Variants in CFAP299 observed in about 807,000 individuals in gnomAD.
CFAP299 encodes cilia and flagella associated protein 299, also known as cilia- and flagella-associated protein 299.
CFAP299 carries 21 observed loss-of-function variants against 27.0 expected under a neutral mutation model. The observed-to-expected ratio is 0.78, with a 90% CI of 0.55 to 1.12. The LOEUF (loss-of-function observed/expected upper bound fraction) is 1.12, where lower values mean the gene tolerates loss of function less well. Ranked by LOEUF, CFAP299 falls within the 50% of genes most tolerant of loss-of-function variation. The pLI, the probability that CFAP299 is intolerant of heterozygous loss-of-function variation, is 0.00. For missense variants in CFAP299, 310 were observed against 276.6 expected (o/e 1.12, Z -0.86); for synonymous variants, 104 against 98.1 (o/e 1.06, Z -0.36).
At chr4:80,882,431 G>A (rs889921112) in intron 4 of CFAP299, among the ~76,000 whole-genome samples, 4 of 152,192 alleles carry the variant, frequency 2.6e-5, no homozygotes, top group African/African-American at 4.8e-5. Context: ...GAGGTCAGGA[G>A]ATCGAGACCA....
At chr4:80,658,216 G>T (rs185074305) in intron 3 of CFAP299, among the ~76,000 whole-genome samples, 1 of 151,920 alleles carries the variant, frequency 6.6e-6, no homozygotes, top group Non-Finnish European at 1.5e-5. Context: ...ATTTGAATAC[G>T]CTTTATTTCT....
intron 2 of CFAP299, among the ~76,000 whole-genome samples, chr4:80,462,484 C>G (rs1236195957): frequency 6.6e-6 from 1 of 152,166 alleles, no homozygotes; most frequent in African/African-American, 2.4e-5. Flanking sequence ...AGGTCTTTCT[C>G]TGACAAATAC....
In CFAP299 at chr4:80,341,013, TG is replaced by T. The variant is rs547729856; in HGVS notation, c.111+5135del. Reference sequence around the variant, plus strand: ...CTGGTCTTGAACTCCTGACCTCAGGTGATCCACCCGCCTTGGCCTCCCAAAG... The same window carrying T: ...CTGGTCTTGAACTCCTGACCTCAGGTATCCACCCGCCTTGGCCTCCCAAAG... On this transcript the variant is annotated intron_variant, in intron 1 of 5. Transcript: ENST00000358105. Among the ~76,000 whole-genome samples, 405 of 152,258 alleles carry T rather than the reference TG, an allele frequency of 2.7e-3. 2 individuals are homozygous for T. Among genetic ancestry groups the T allele is most frequent in the African/African-American group, 9.6e-3 (398 of 41,550 alleles).
intron 3 of CFAP299, among the ~76,000 whole-genome samples, chr4:80,621,977 G>A (rs1440146059): frequency 6.6e-6 from 1 of 152,010 alleles, no homozygotes; most frequent in Non-Finnish European, 1.5e-5. Context: ...ATAGAGTGAT[G>A]CATTGTGTTG....
intron 2 of CFAP299, among the ~76,000 whole-genome samples, chr4:80,567,983 A>G (rs1735394918): frequency 1.3e-5 from 2 of 151,828 alleles, no homozygotes; most frequent in Non-Finnish European, 2.9e-5. Flanking sequence ...TTAAAAAATA[A>G]TTATTTTCAT....
chr4:80,336,318 A>C (rs1229045784), intron 1 of CFAP299, among the ~76,000 whole-genome samples: 3 of 151,942 alleles, frequency 2.0e-5, no homozygotes, highest in Admixed American at 2.0e-4. Flanking sequence ...CTTTACACCA[A>C]CCTAGTGTAT....
chr4:80,414,216 G>T (rs928337941), intron 2 of CFAP299, among the ~76,000 whole-genome samples: 7 of 149,874 alleles, frequency 4.7e-5, no homozygotes, highest in Admixed American at 4.0e-4. Flanking sequence ...GACTACAGGC[G>T]CCCGCCACTA....
At chr4:80,828,567 G>C (rs1427025597) in intron 3 of CFAP299, among the ~76,000 whole-genome samples, 1 of 151,900 alleles carries the variant, frequency 6.6e-6, no homozygotes, top group Admixed American at 6.6e-5. Flanking sequence ...ATGATAGTGA[G>C]TTCTCATGAC....
chr4:80,935,057 G>A lies in CFAP299; in HGVS notation c.477-9753G>A, dbSNP rs142332713. On this transcript the variant is annotated intron_variant, in intron 4 of 5. Transcript: ENST00000358105. ...CTTTTTCTGAATCTCGTAAGTTTTGGTATAGCATGTTTCCATTTTAATGTA... is the reference window on the plus strand; with the variant it reads ...CTTTTTCTGAATCTCGTAAGTTTTGATATAGCATGTTTCCATTTTAATGTA... Among the ~76,000 whole-genome samples, 237 of 151,720 alleles carry A rather than the reference G, an allele frequency of 1.6e-3. 3 individuals are homozygous for A. The highest frequency in any genetic ancestry group is 5.5e-3 in the African/African-American group (229 of 41,422).
rs554618655 is a variant in CFAP299, at chr4:80,504,702, G to A, written c.243-78391G>A. ...ATGGGGGATTAAAAAAAACACTGTA[G>A]AAGTGAGCGATTATGTGGCATTTGT... On this transcript the variant is annotated intron_variant, in intron 2 of 5. Coordinates refer to ENST00000358105, the MANE Select transcript of CFAP299 (RefSeq NM_152770.3). Among the ~76,000 whole-genome samples the A allele has an allele frequency of 1.0e-4, 15 of 147,874 alleles. 1 individual carries two copies. The East Asian group carries it at 3.0e-3, about 29-fold the overall frequency.
At chr4:80,646,988 AGTGTGTGTGTGTGT>A (rs1187314742) in intron 3 of CFAP299, among the ~76,000 whole-genome samples, 554 of 31,108 alleles carry the variant, frequency 0.018, 4 homozygotes, top group Middle Eastern at 0.11. Flanking sequence ...AGAGAGAGAG[AGTGTGTGTGTGTGT>A]GTGTGTGTGT....
intron 2 of CFAP299, among the ~76,000 whole-genome samples, chr4:80,511,263 G>A (rs1315488635): frequency 6.6e-6 from 1 of 152,112 alleles, no homozygotes; most frequent in African/African-American, 2.4e-5. Flanking sequence ...AAGTATATAT[G>A]AAAAGATGAG....
intron 4 of CFAP299, among the ~76,000 whole-genome samples, chr4:80,877,637 A>T (rs1372534777): frequency 1.3e-5 from 2 of 152,218 alleles, no homozygotes; most frequent in Non-Finnish European, 2.9e-5. Flanking sequence ...ATTACTCTAC[A>T]TAAGATTTTT....
chr4:80,449,711 A>AT (rs1453802289), intron 2 of CFAP299, among the ~76,000 whole-genome samples: 3 of 151,716 alleles, frequency 2.0e-5, no homozygotes, highest in Non-Finnish European at 4.4e-5. Flanking sequence ...TAATTTCTGA[A>AT]TTTTTTATGA....
intron 3 of CFAP299, among the ~76,000 whole-genome samples, chr4:80,831,811 C>T (rs1730315109): frequency 6.6e-6 from 1 of 152,080 alleles, no homozygotes; most frequent in African/African-American, 2.4e-5. Context: ...TTTCCTGTTT[C>T]TTCTTGTTAA....
intron 3 of CFAP299, among the ~76,000 whole-genome samples, chr4:80,709,683 C>T (rs1273722448): frequency 1.3e-5 from 2 of 152,084 alleles, no homozygotes; most frequent in East Asian, 3.9e-4. Flanking sequence ...ACTGGTTGAA[C>T]CAGAAGTTTG....
At chr4:80,820,253 A>T (rs1209861327) in intron 3 of CFAP299, among the ~76,000 whole-genome samples, 1 of 152,162 alleles carries the variant, frequency 6.6e-6, no homozygotes, top group East Asian at 1.9e-4. Context: ...TTATGCATTC[A>T]TTAATTCATT....
At chr4:80,621,978 C>T (rs1301189222) in intron 3 of CFAP299, among the ~76,000 whole-genome samples, 1 of 151,968 alleles carries the variant, frequency 6.6e-6, no homozygotes, top group Non-Finnish European at 1.5e-5. Flanking sequence ...TAGAGTGATG[C>T]ATTGTGTTGG....
upstream of CFAP299, among the ~76,000 whole-genome samples, chr4:80,333,287 C>T (rs2109959410): frequency 6.6e-6 from 1 of 152,282 alleles, no homozygotes; most frequent in Admixed American, 6.5e-5. Flanking sequence ...ACCATTGTTT[C>T]TAAGTGCAAA....
Sources: allele counts gnomAD v4.1 joint callset (sites outside exome capture counted in the v4.1 genomes callset), GRCh38; gene constraint gnomAD v4.1.1; transcripts MANE v1.5; gene names NCBI Gene and HGNC (gene_info 2026-07-23, HGNC 2026-07-21).